The following AGBL4 variants were observed in gnomAD, a reference collection of about 807,000 sequenced individuals.
AGBL4 encodes the protein AGBL carboxypeptidase 4.
In AGBL4, 58 loss-of-function variants were observed where a neutral mutation model predicts 66.4. The ratio of observed to expected loss-of-function variants is 0.87; its 90% CI spans 0.71 to 1.09. The LOEUF is 1.09. Among genes scored for constraint, AGBL4 ranks in the 50% least tolerant of loss-of-function variants. The pLI, the probability that AGBL4 is intolerant of heterozygous loss-of-function variation, is 0.00. For missense variants in AGBL4, 579 were observed against 631.0 expected (o/e 0.92, Z 0.88); for synonymous variants, 234 against 222.9 (o/e 1.05, Z -0.44).
At chr1:48,600,638 C>A (rs1448224062) in intron 9 of AGBL4, among the ~76,000 whole-genome samples, 2 of 152,296 alleles carry the variant, frequency 1.3e-5, no homozygotes, top group African/African-American at 4.8e-5. Flanking sequence ...AAAGAGCTTG[C>A]AAGTGGTAGA....
chr1:49,637,030 C>A (rs759516646), intron 3 of AGBL4, among the ~76,000 whole-genome samples: 2 of 152,140 alleles, frequency 1.3e-5, no homozygotes, highest in Non-Finnish European at 2.9e-5. Flanking sequence ...TGTGAAAAGA[C>A]TAGACTGGCC....
At chr1:48,957,844 A>G (rs1156423304) in intron 5 of AGBL4, among the ~76,000 whole-genome samples, 2 of 152,168 alleles carry the variant, frequency 1.3e-5, no homozygotes, top group Non-Finnish European at 2.9e-5. Context: ...TCATCAATCA[A>G]TTCATCACAG....
chr1:49,920,227 A>G (rs1652063676), intron 1 of AGBL4, among the ~76,000 whole-genome samples: 1 of 152,204 alleles, frequency 6.6e-6, no homozygotes, highest in African/African-American at 2.4e-5. Context: ...ACAAAAGCCA[A>G]AATTGACAAA....
chr1:48,710,278 C>A (rs749881532), intron 6 of AGBL4, among the ~76,000 whole-genome samples: 3 of 152,294 alleles, frequency 2.0e-5, no homozygotes, highest in Non-Finnish European at 4.4e-5. Flanking sequence ...GGACTCTGAG[C>A]TCTGAAGTTC....
At chr1:49,153,344 G>T (rs1466015255) in intron 4 of AGBL4, among the ~76,000 whole-genome samples, 1 of 151,956 alleles carries the variant, frequency 6.6e-6, no homozygotes, top group Non-Finnish European at 1.5e-5. Context: ...CATAAAGAAT[G>T]ATACACATGA....
chr1:49,729,693 AT>A (rs1425704275), intron 2 of AGBL4, among the ~76,000 whole-genome samples: 1 of 152,230 alleles, frequency 6.6e-6, no homozygotes, highest in South Asian at 2.1e-4. Context: ...GCAGCAATAT[AT>A]ATTTGAGGGA....
At chr1:49,003,257 G>T (rs1410064733) in intron 5 of AGBL4, among the ~76,000 whole-genome samples, 1 of 152,016 alleles carries the variant, frequency 6.6e-6, no homozygotes, top group Non-Finnish European at 1.5e-5. Context: ...AATTAGCTGG[G>T]CGTGGTGGCA....
intron 3 of AGBL4, among the ~76,000 whole-genome samples, chr1:49,360,803 G>T (rs1467973531): frequency 6.6e-6 from 1 of 151,996 alleles, no homozygotes; most frequent in East Asian, 1.9e-4. Flanking sequence ...TGTTATTGTG[G>T]TTGTATTTTT....
intron 3 of AGBL4, among the ~76,000 whole-genome samples, chr1:49,332,605 A>C (rs996609878): frequency 2.0e-5 from 3 of 152,188 alleles, no homozygotes; most frequent in African/African-American, 7.2e-5. Context: ...TTGTGGAATA[A>C]TATTTCACAG....
At chr1:48,983,466 G>C (rs1659935396) in intron 5 of AGBL4, among the ~76,000 whole-genome samples, 1 of 152,048 alleles carries the variant, frequency 6.6e-6, no homozygotes. Context: ...ATCCCACAAG[G>C]GACATCTGGA....
intron 6 of AGBL4, among the ~76,000 whole-genome samples, chr1:48,684,522 A>C (rs1055607385): frequency 7.9e-5 from 12 of 152,154 alleles, no homozygotes; most frequent in Non-Finnish European, 1.6e-4. Context: ...TGGTAGTATG[A>C]GGATCAATTA....
intron 1 of AGBL4, among the ~76,000 whole-genome samples, chr1:49,948,379 A>G (rs1430196615): frequency 1.7e-5 from 2 of 119,766 alleles, no homozygotes; most frequent in East Asian, 4.5e-4. Flanking sequence ...TAAAATATAT[A>G]AATATATATA....
intron 2 of AGBL4, among the ~76,000 whole-genome samples, chr1:49,741,260 A>G (rs1240609466): frequency 6.6e-6 from 1 of 152,232 alleles, no homozygotes; most frequent in East Asian, 1.9e-4. Flanking sequence ...CCATCAGAGA[A>G]TACTATAAAC....
chr1:49,387,444 TA>T (rs139469502), intron 3 of AGBL4, among the ~76,000 whole-genome samples: 17 of 148,138 alleles, frequency 1.1e-4, no homozygotes, highest in Admixed American at 6.8e-4. Flanking sequence ...TTAGATGATT[TA>T]AAAAAAAAAC....
At chr1:49,713,591 ATATT>A (rs1252572045) in intron 2 of AGBL4, among the ~76,000 whole-genome samples, 5 of 152,032 alleles carry the variant, frequency 3.3e-5, no homozygotes, top group African/African-American at 9.6e-5. Flanking sequence ...AATTCTTTGA[ATATT>A]TATATATACC....
chr1:49,484,548 T>A (rs1253655395), intron 3 of AGBL4, among the ~76,000 whole-genome samples: 1 of 151,886 alleles, frequency 6.6e-6, no homozygotes, highest in Non-Finnish European at 1.5e-5. Context: ...ATCTGAAAAT[T>A]TAAACAATTG....
chr1:49,376,462 A>G (rs1465649634), intron 3 of AGBL4, among the ~76,000 whole-genome samples: 1 of 152,048 alleles, frequency 6.6e-6, no homozygotes, highest in Non-Finnish European at 1.5e-5. Context: ...GCCACATAAA[A>G]GAGTTGTTAC....
intron 6 of AGBL4, among the ~76,000 whole-genome samples, chr1:48,849,933 A>G (rs1646997199): frequency 6.6e-6 from 1 of 152,214 alleles, no homozygotes; most frequent in Non-Finnish European, 1.5e-5. Context: ...AGATCGCACC[A>G]CTGCACTCCA....
chr1:49,996,146 A>G (rs1660354237), intron 1 of AGBL4: 1 of 152,196 alleles, frequency 6.6e-6, no homozygotes. Flanking sequence ...GTAATATGAC[A>G]AAACAAGATT....
Sources: allele counts gnomAD v4.1 joint callset (sites outside exome capture counted in the v4.1 genomes callset), GRCh38; gene constraint gnomAD v4.1.1; transcripts MANE v1.5; gene names NCBI Gene and HGNC (gene_info 2026-07-23, HGNC 2026-07-21).